The following PUM3 variants were observed in gnomAD, a reference collection of about 807,000 sequenced individuals.
The protein encoded by PUM3 is pumilio RNA binding family member 3.
In PUM3, 91 loss-of-function variants were observed where a neutral mutation model predicts 84.0. The ratio of observed to expected loss-of-function variants is 1.08; its 90% CI spans 0.91 to 1.29. The LOEUF (loss-of-function observed/expected upper bound fraction) is 1.29, where lower values mean the gene tolerates loss of function less well. Among genes scored for constraint, PUM3 ranks in the 50% most tolerant of loss-of-function variants. The probability of loss-of-function intolerance (pLI) is 0.00; values close to 1 mark genes in which losing one functional copy is unlikely to be tolerated. For synonymous variants in PUM3, 321 were observed against 266.7 expected, an observed-to-expected ratio of 1.20 and a Z score of -1.98; for missense variants, 1,067 against 767.5, an observed-to-expected ratio of 1.39 and a Z score of -4.61.
intron 16 of PUM3, among the ~76,000 whole-genome samples, chr9:2,809,343 C>CATT (rs1233099184): frequency 6.6e-6 from 1 of 152,196 alleles, no homozygotes; most frequent in African/African-American, 2.4e-5. Flanking sequence ...AACCACTGGA[C>CATT]ATTAAGCCAG....
intron 1 of PUM3, among the ~76,000 whole-genome samples, chr9:2,842,996 C>T (rs550187603): frequency 2.6e-5 from 4 of 152,188 alleles, no homozygotes; most frequent in African/African-American, 9.6e-5. Context: ...CTTAAATGTC[C>T]CTTACGTCAC....
Position 2,804,255 on chromosome 9 carries a change from AC to A in PUM3, c.*75del. 2.1e-6 allele frequency: 3 copies of A among 1,455,852 alleles called. No homozygotes were observed. The South Asian group carries it at 3.9e-5, about 19-fold the overall frequency. 90.2% of individuals were successfully genotyped at this position (1,455,852 alleles called of 1,614,324 possible). On this transcript the variant is annotated 3_prime_UTR_variant, in exon 18 of 18. Coordinates refer to ENST00000397885, the MANE Select transcript of PUM3 (RefSeq NM_014878.5). ...CCCAATTACCAGTATGGTGGACCCT[AC>A]CCCTTCTTTTCTGCATTGGGAAACA...
intron 12 of PUM3, among the ~76,000 whole-genome samples, chr9:2,821,908 G>A (rs78643262): frequency 0.04 from 6,131 of 152,182 alleles, 136 homozygotes; most frequent in East Asian, 0.07. Context: ...ATAGGCACAC[G>A]ATGAAATATT....
intron 13 of PUM3, among the ~76,000 whole-genome samples, chr9:2,818,612 A>T (rs1049213240): frequency 6.6e-6 from 1 of 152,248 alleles, no homozygotes; most frequent in Admixed American, 6.5e-5. Flanking sequence ...TCTCTGTCAC[A>T]AGAATGAAAA....
intron 17 of PUM3, among the ~76,000 whole-genome samples, chr9:2,807,379 T>C (rs1267729169): frequency 6.6e-6 from 1 of 151,946 alleles, no homozygotes; most frequent in Non-Finnish European, 1.5e-5. Flanking sequence ...GAGGACTACT[T>C]GAGCCTAAGA....
At chr9:2,835,595 T>A (rs560698296) in intron 3 of PUM3, among the ~76,000 whole-genome samples, 1 of 152,158 alleles carries the variant, frequency 6.6e-6, no homozygotes, top group Admixed American at 6.5e-5. Context: ...CAAAAGATTA[T>A]AGGCAACAGA....
rs147542335 is a variant in PUM3 at position 2,819,699 on chromosome 9, T to G, written c.1269+319A>C. ...GCTAGTTTCTGATCATATCTAAATA[T>G]CACTTTGCTAATTTTCCATAGTTTA... On this transcript the variant is annotated intron_variant, in intron 13 of 17. Transcript: ENST00000397885. Among the ~76,000 whole-genome samples the G allele has an allele frequency of 8.4e-3, 1,273 of 152,338 alleles. 9 individuals carry two copies. The highest frequency in any genetic ancestry group is 0.034 in the Middle Eastern group (10 of 294).
rs1479595454 is a variant in PUM3, at chr9:2,837,228, T to G, written c.256A>C (p.Asn86His). The G allele has an allele frequency of 6.2e-7, 1 of 1,614,068 alleles. No individual in the cohort carries two copies. The highest frequency in any genetic ancestry group is 8.5e-7 in the Non-Finnish European group (1 of 1,180,004). Residue 86 changes from asparagine (N) to histidine (H), a missense_variant, in exon 3 of 18, where the codon AAT becomes CAT. Physicochemically the swap from Asn to His is moderately conservative, Grantham distance 68. Coordinates refer to ENST00000397885, the MANE Select transcript of PUM3 (RefSeq NM_014878.5). ...KSPKNKFQPA[N>H]KFNKKRKFQP... is the part of the protein sequence containing the mutation. Reference sequence around the variant, plus strand: ...AATTTTCTCTTCTTGTTGAATTTATTTGCCGGCTGGAATTTGTTCTTTGGT... The same window carrying G: ...AATTTTCTCTTCTTGTTGAATTTATGTGCCGGCTGGAATTTGTTCTTTGGT...
In PUM3 at chr9:2,830,081, T is replaced by C. The variant is rs535698923; in HGVS notation, c.678-133A>G. On this transcript the variant is annotated intron_variant, in intron 7 of 17. Coordinates refer to ENST00000397885, the MANE Select transcript of PUM3 (RefSeq NM_014878.5). ...TGAGGAGTAAATGAGCTAGCATGCATTGAGAAGCTGTGGCCAGCACATAGT... is the reference window on the plus strand; with the variant it reads ...TGAGGAGTAAATGAGCTAGCATGCACTGAGAAGCTGTGGCCAGCACATAGT... 2.2e-3 allele frequency: 1,489 copies of C among 686,862 alleles called. 7 individuals carry two copies. The highest frequency in any genetic ancestry group is 3.2e-3 in the South Asian group (157 of 48,714). 42.5% of individuals were successfully genotyped at this position (686,862 alleles called of 1,614,324 possible).
At chr9:2,815,478 AG>A (rs1335151121) in intron 13 of PUM3, among the ~76,000 whole-genome samples, 2 of 152,314 alleles carry the variant, frequency 1.3e-5, no homozygotes, top group East Asian at 3.9e-4. Flanking sequence ...GATTTTGTGC[AG>A]AATTTAATCT....
chr9:2,840,550 C>T (rs1341402093), intron 1 of PUM3, among the ~76,000 whole-genome samples: 1 of 152,150 alleles, frequency 6.6e-6, no homozygotes, highest in Non-Finnish European at 1.5e-5. Flanking sequence ...TTATTCTCAA[C>T]TTTTCTGTAG....
At chr9:2,810,111 G>A (rs1411064420) in intron 16 of PUM3, among the ~76,000 whole-genome samples, 1 of 148,918 alleles carries the variant, frequency 6.7e-6, no homozygotes, top group South Asian at 2.2e-4. Context: ...CGGTGGGGGG[G>A]GCTGGCGGGG....
At chr9:2,804,547 G>A in intron 17 of PUM3, 84 bp from the exon 18 acceptor site, 1 of 1,288,752 alleles carries the variant, frequency 7.8e-7, no homozygotes, top group Non-Finnish European at 1.1e-6. Flanking sequence ...AAAAGACTTT[G>A]TTAACTGTGA....
chr9:2,833,991 T>C (rs774090748), intron 4 of PUM3, 40 bp downstream of exon 4: 10 of 1,601,854 alleles, frequency 6.2e-6, no homozygotes, highest in Non-Finnish European at 8.5e-6. Flanking sequence ...TTCTCCACTG[T>C]TGCAAAGGGA....
chr9:2,814,126 A>T (rs1821422766), intron 13 of PUM3, among the ~76,000 whole-genome samples: 1 of 152,296 alleles, frequency 6.6e-6, no homozygotes, highest in South Asian at 2.1e-4. Context: ...TTCAGTAACA[A>T]ACGGGAAAAC....
At chr9:2,836,876 A>G (rs1258586535) in intron 3 of PUM3, among the ~76,000 whole-genome samples, 1 of 152,138 alleles carries the variant, frequency 6.6e-6, no homozygotes, top group African/African-American at 2.4e-5. Context: ...TACTCGTTCG[A>G]TGAACGAATA....
chr9:2,812,155 G>T, intron 14 of PUM3, 65 bp downstream of exon 14: 3 of 1,395,974 alleles, frequency 2.1e-6, no homozygotes, highest in Non-Finnish European at 3.0e-6. Context: ...GTGGACTTCT[G>T]GAAGAATGCA....
chr9:2,804,254 T>G lies in PUM3; in HGVS notation c.*77A>C. ...CCCCAATTACCAGTATGGTGGACCC[T>G]ACCCCTTCTTTTCTGCATTGGGAAA... On this transcript the variant is annotated 3_prime_UTR_variant, in exon 18 of 18. Coordinates refer to ENST00000397885, the MANE Select transcript of PUM3 (RefSeq NM_014878.5). 5 of 1,455,828 alleles carry G rather than the reference T, an allele frequency of 3.4e-6. 2 individuals are homozygous for G. The highest frequency in any genetic ancestry group is 2.5e-4 in the Middle Eastern group (1 of 3,982). The allele number at this position is 1,455,828 out of a possible 1,614,324, so 90.2% of individuals were successfully genotyped here.
chr9:2,804,492 T>C, intron 17 of PUM3, 29 bp from the exon 18 acceptor site: 2 of 1,601,794 alleles, frequency 1.2e-6, no homozygotes, highest in East Asian at 2.2e-5. Context: ...TTAAATTTCA[T>C]AAGCATTCCT....
Sources: gnomAD v4.1 joint callset for allele counts (sites outside exome capture counted in the v4.1 genomes callset) on GRCh38, gnomAD v4.1.1 for gene constraint, MANE v1.5 for transcripts, NCBI Gene and HGNC (gene_info 2026-07-23, HGNC 2026-07-21) for gene names.